Variants in ZNF583 observed in about 807,000 individuals in gnomAD.
ZNF583 encodes the protein zinc finger protein 583.
ZNF583 carries 30 observed loss-of-function variants against 55.3 expected under a neutral mutation model. The observed-to-expected ratio is 0.54, with a 90% CI of 0.41 to 0.74. The LOEUF is 0.74. Among genes scored for constraint, ZNF583 ranks in the 30% least tolerant of loss-of-function variants. ZNF583 has a pLI of 0.00. For synonymous variants in ZNF583, 208 were observed against 220.0 expected (o/e 0.95, Z 0.48); for missense variants, 504 against 664.7 (o/e 0.76, Z 2.66).
At chr19:56,421,463 A>G in intron 4 of ZNF583, 1 of 985,374 alleles carries the variant, frequency 1.0e-6, no homozygotes, top group Non-Finnish European at 1.2e-6. Flanking sequence ...AACTGTTTAG[A>G]GAGGAAAGTG....
At chr19:56,421,504 G>C (rs1280641359) in intron 4 of ZNF583, 1 of 985,106 alleles carries the variant, frequency 1.0e-6, no homozygotes, top group Admixed American at 6.2e-5. Context: ...GCAGCACAGC[G>C]GAATTAGCAG....
intron 4 of ZNF583, 139 bp downstream of exon 4, chr19:56,414,579 C>T: frequency 1.5e-6 from 1 of 677,858 alleles, no homozygotes; most frequent in South Asian, 1.9e-5. Flanking sequence ...ATTGAGGCAT[C>T]TTTAGTATGA....
In ZNF583 at chr19:56,424,224, TA is replaced by T. The variant is rs1344039756; in HGVS notation, c.1569del (p.Asp524IlefsTer25). ...IHTGERPYEC[K>X]DCRKSFRQRA... ...ATACTGGAGAAAGACCCTATGAATG[TA>T]AAGATTGCAGGAAATCTTTCAGGCA... On this transcript the variant is annotated frameshift_variant, in exon 5 of 5. Coordinates refer to ENST00000333201, the MANE Select transcript of ZNF583 (RefSeq NM_152478.3). LOFTEE classifies it high-confidence loss of function. 6.2e-7 allele frequency: 1 copy of T among 1,614,024 alleles called. No individual in the cohort carries two copies. Among genetic ancestry groups the T allele is most frequent in the Non-Finnish European group, 8.5e-7 (1 of 1,179,994 alleles).
chr19:56,423,614 C>T lies in ZNF583; in HGVS notation c.956C>T (p.Thr319Ile), dbSNP rs774038854. 1 of 1,614,068 alleles carries T rather than the reference C, an allele frequency of 6.2e-7. No homozygotes were observed. Among genetic ancestry groups the T allele is most frequent in the Non-Finnish European group, 8.5e-7 (1 of 1,180,002 alleles). ...CTGACTCAGCATCAGAGAGTTCATACTGGAGAGAGACCTTTCGAATGTATT... is the reference window on the plus strand; with the variant it reads ...CTGACTCAGCATCAGAGAGTTCATATTGGAGAGAGACCTTTCGAATGTATT... ...AHLTQHQRVH[T>I]GERPFECIEC... Residue 319 changes from threonine (T) to isoleucine (I), a missense_variant, in exon 5 of 5, where the codon ACT becomes ATT. This residue lies in a region of ZNF583 where 237 missense variants were observed against 373.0 expected (regional missense o/e 0.64). Transcript: ENST00000333201.
At chr19:56,417,154 C>A (rs1468837446) in intron 4 of ZNF583, among the ~76,000 whole-genome samples, 1 of 152,160 alleles carries the variant, frequency 6.6e-6, no homozygotes, top group African/African-American at 2.4e-5. Context: ...TGCTATGCAG[C>A]TGTCATGTAC....
chr19:56,420,613 A>G (rs1014156771), intron 4 of ZNF583, among the ~76,000 whole-genome samples: 1 of 152,132 alleles, frequency 6.6e-6, no homozygotes, highest in African/African-American at 2.4e-5. Flanking sequence ...GACATTAAAG[A>G]TTATTTCTTT....
chr19:56,415,111 T>C (rs777181331), intron 4 of ZNF583, among the ~76,000 whole-genome samples: 13 of 152,144 alleles, frequency 8.5e-5, no homozygotes, highest in Non-Finnish European at 1.3e-4. Context: ...GATGCATTTA[T>C]TTATTTATTT....
chr19:56,411,124 CAA>C (rs36007598), intron 2 of ZNF583, among the ~76,000 whole-genome samples: 17 of 135,484 alleles, frequency 1.3e-4, no homozygotes, highest in Admixed American at 2.9e-4. Context: ...TCATCTGTAC[CAA>C]AAAAAAAAAA....
intron 1 of ZNF583, among the ~76,000 whole-genome samples, chr19:56,405,716 C>T (rs933544235): frequency 6.6e-6 from 1 of 152,070 alleles, no homozygotes; most frequent in African/African-American, 2.4e-5. Flanking sequence ...AATGGGAGAC[C>T]TACCATGTGC....
At chr19:56,417,744 A>T (rs1234171791) in intron 4 of ZNF583, among the ~76,000 whole-genome samples, 1 of 152,124 alleles carries the variant, frequency 6.6e-6, no homozygotes, top group African/African-American at 2.4e-5. Context: ...GGTCACAGAG[A>T]TATTTTTCTA....
intron 2 of ZNF583, among the ~76,000 whole-genome samples, chr19:56,407,584 G>A (rs564260825): frequency 2.0e-5 from 3 of 152,192 alleles, no homozygotes; most frequent in East Asian, 1.9e-4. Context: ...CTTGAGGAGT[G>A]AGATGTGTTG....
rs748637796 is a variant in ZNF583 at position 56,423,540 on chromosome 19, A to G, written c.882A>G (p.Lys294=). The stretch of plus-strand genomic sequence containing the variant: ...ATCAGAGAGTTCATACTGGAGAGAA[A>G]CCTTATCAGTGTAAAGAATGTAAAA... ...AQHQRVHTGE[K]PYQCKECKKA... Residue 294 remains lysine, a synonymous_variant, in exon 5 of 5, where the codon AAA becomes AAG. Transcript: ENST00000333201. 10 of 1,613,872 alleles carry G rather than the reference A, an allele frequency of 6.2e-6. No homozygotes were observed. The South Asian group carries it at 1.1e-4, about 18-fold the overall frequency.
intron 4 of ZNF583, among the ~76,000 whole-genome samples, chr19:56,419,381 G>C (rs924742940): frequency 6.6e-5 from 10 of 151,968 alleles, no homozygotes; most frequent in African/African-American, 2.4e-4. Context: ...TTTTTTAGTA[G>C]AGATGGGGTT....
rs550103554 is a variant in ZNF583 at position 56,406,702 on chromosome 19, AT to A, written c.-89-318del. Among the ~76,000 whole-genome samples, 1,043 of 151,564 alleles carry A rather than the reference AT, an allele frequency of 6.9e-3. 3 individuals carry two copies. Among genetic ancestry groups the A allele is most frequent in the Non-Finnish European group, 9.6e-3 (654 of 67,844 alleles). On this transcript the variant is annotated intron_variant, in intron 1 of 4. Coordinates refer to ENST00000333201, the MANE Select transcript of ZNF583 (RefSeq NM_152478.3). The stretch of plus-strand genomic sequence containing the variant: ...CCACCACACCTGGCTAATTTTGTGT[AT>A]TTTTTAGTAGAGACGGGGTTTCCCC...
At position 56,424,711 on chromosome 19, in the gene ZNF583, T is replaced by C. The variant is rs2042477301; in HGVS notation, c.*343T>C. 5.2e-6 allele frequency: 1 copy of C among 190,696 alleles called. No homozygotes were observed. The highest frequency in any genetic ancestry group is 1.3e-4 in the East Asian group (1 of 7,556). 11.8% of individuals were successfully genotyped at this position (190,696 alleles called of 1,614,324 possible). On this transcript the variant is annotated 3_prime_UTR_variant, in exon 5 of 5. Transcript: ENST00000333201. Reference sequence around the variant, plus strand: ...CTATCCATCTCATTCTCTGAATACTTATCCAGGATTAAGATACATATTCCA... The same window carrying C: ...CTATCCATCTCATTCTCTGAATACTCATCCAGGATTAAGATACATATTCCA...
At chr19:56,406,958 T>A (rs2147550180) in intron 1 of ZNF583, 68 bp from the exon 2 acceptor site, 1 of 696,482 alleles carries the variant, frequency 1.4e-6, no homozygotes, top group Admixed American at 3.0e-5. Flanking sequence ...AAGGAAAGGT[T>A]TCTAGGCTGA....
rs115228414 is a variant in ZNF583 at position 56,416,050 on chromosome 19, G to A, written c.232+1610G>A. Among the ~76,000 whole-genome samples the A allele has an allele frequency of 4.2e-3, 633 of 151,346 alleles. 5 individuals carry two copies. The highest frequency in any genetic ancestry group is 0.015 in the African/African-American group (605 of 41,254). Reference sequence around the variant, plus strand: ...CTTTTTTTAAAAGAATATATTGGTCGGGCGTGGTGGCTTACACCTGTAATC... The same window carrying A: ...CTTTTTTTAAAAGAATATATTGGTCAGGCGTGGTGGCTTACACCTGTAATC... On this transcript the variant is annotated intron_variant, in intron 4 of 4. Coordinates refer to ENST00000333201, the MANE Select transcript of ZNF583 (RefSeq NM_152478.3).
chr19:56,417,388 G>T (rs2042343827), intron 4 of ZNF583, among the ~76,000 whole-genome samples: 1 of 152,138 alleles, frequency 6.6e-6, no homozygotes, highest in Non-Finnish European at 1.5e-5. Context: ...TCTAAAGGTT[G>T]TATTGTGGTT....
chr19:56,406,372 A>G lies in ZNF583; in HGVS notation c.-89-654A>G, dbSNP rs116368145. ...TAGAACTGGTTTCCAGTTTGGCTTA[A>G]TTATTACCATGATGCCTTGAATAAT... On this transcript the variant is annotated intron_variant, in intron 1 of 4. Transcript: ENST00000333201. 4.3e-3 allele frequency among the ~76,000 whole-genome samples: 651 copies of G among 152,304 alleles called. 5 individuals are homozygous for G. The highest frequency in any genetic ancestry group is 0.015 in the African/African-American group (625 of 41,556).
Sources: gnomAD v4.1 joint callset for allele counts (sites outside exome capture counted in the v4.1 genomes callset) on GRCh38, gnomAD v4.1.1 for gene constraint, gnomAD v4.1.1 regional missense constraint, MANE v1.5 for transcripts, NCBI Gene and HGNC (gene_info 2026-07-23, HGNC 2026-07-21) for gene names.